FMN2: variants seen among roughly 807,000 people sequenced by gnomAD.
The protein encoded by FMN2 is formin 2.
In FMN2, 51 loss-of-function variants were observed where a neutral mutation model predicts 142.3. The observed-to-expected ratio is 0.36, with a 90% CI of 0.29 to 0.45. FMN2 has a LOEUF of 0.45. Ranked by LOEUF, FMN2 falls within the 20% of genes least tolerant of loss-of-function variation. The pLI, the probability that FMN2 is intolerant of heterozygous loss-of-function variation, is 1.00. For missense variants in FMN2, 1,936 were observed against 2,122.8 expected, an observed-to-expected ratio of 0.91 and a Z score of 1.73; for synonymous variants, 882 against 869.8, an observed-to-expected ratio of 1.01 and a Z score of -0.25.
At position 240,092,675 on chromosome 1, in the gene FMN2, C is replaced by A. The variant is rs1458320118; in HGVS notation, c.566C>A (p.Ala189Asp). Residue 189 changes from alanine to aspartate, a missense_variant, in exon 1 of 18, where the codon GCT (alanine) becomes GAT (aspartate). This residue lies in a region of FMN2 where 751 missense variants were observed against 791.8 expected (regional missense o/e 0.95). Coordinates refer to ENST00000319653, the MANE Select transcript of FMN2 (RefSeq NM_020066.5). ...SDTDIYSFHS[A>D]TEQEDLLSDI... ...ACGGACATCTATAGCTTCCATTCGG[C>A]TACGGAGCAAGAGGATTTGCTTTCA... 6.2e-7 allele frequency: 1 copy of A among 1,614,004 alleles called. No individual in the cohort carries two copies. The highest frequency in any genetic ancestry group is 8.5e-7 in the Non-Finnish European group (1 of 1,180,022).
intron 6 of FMN2, among the ~76,000 whole-genome samples, chr1:240,252,548 G>GT (rs35179529): frequency 0.39 from 55,839 of 142,166 alleles, 11,110 homozygotes; most frequent in East Asian, 0.56. Flanking sequence ...TGGGCTGGCA[G>GT]TTTTTTTTTT....
Position 240,208,579 on chromosome 1 carries a change from C to A in FMN2, c.3767C>A (p.Thr1256Asn). The A allele has an allele frequency of 6.2e-7, 1 of 1,613,826 alleles. No homozygotes were observed. ...CAAGTTGGGAGTAGCACTTTACCAA[C>A]CCCACAGGTGTGTGGATTTCTTCCT... ...LPQVGSSTLPTPQVCGFLPPP... is the reference protein window; with the variant it reads ...LPQVGSSTLPNPQVCGFLPPP... The change falls in exon 5 of 18, where the codon ACC becomes AAC. Residue 1256 changes from threonine (T) to asparagine (N), a missense_variant. Coordinates refer to ENST00000319653, the MANE Select transcript of FMN2 (RefSeq NM_020066.5).
intron 2 of FMN2, among the ~76,000 whole-genome samples, chr1:240,140,926 G>A (rs935159087): frequency 1.3e-5 from 2 of 152,192 alleles, no homozygotes; most frequent in African/African-American, 2.4e-5. Flanking sequence ...AGCTGAAAAG[G>A]TGAAGTGACT....
At chr1:240,352,596 A>T (rs115150790) in intron 13 of FMN2, among the ~76,000 whole-genome samples, 2,096 of 152,206 alleles carry the variant, frequency 0.014, 51 homozygotes, top group African/African-American at 0.048. Flanking sequence ...AAATTTAAAA[A>T]AAACAAACTG....
At chr1:240,148,789 G>T (rs1474961268) in intron 2 of FMN2, among the ~76,000 whole-genome samples, 1 of 151,942 alleles carries the variant, frequency 6.6e-6, no homozygotes, top group African/African-American at 2.4e-5. Flanking sequence ...GACCATCCTG[G>T]CTAACATGGT....
intron 2 of FMN2, among the ~76,000 whole-genome samples, chr1:240,167,427 T>TG (rs1461792865): frequency 1.3e-5 from 2 of 152,110 alleles, no homozygotes. Flanking sequence ...GGATTATAGG[T>TG]GGGAGCCATA....
rs569994519 is a variant in FMN2, at chr1:240,148,169, C to G, written c.1782+24824C>G. Among the ~76,000 whole-genome samples the G allele has an allele frequency of 2.6e-5, 4 of 152,070 alleles. No individual in the cohort carries two copies. The East Asian group carries it at 7.8e-4, about 29-fold the overall frequency. On this transcript the variant is annotated intron_variant, in intron 2 of 17. Transcript: ENST00000319653. Reference sequence around the variant, plus strand: ...TGCTCAGCCAAGAGAGACGGAGAGACACACGGAGAGAGACAGAGACAGGGA... The same window carrying G: ...TGCTCAGCCAAGAGAGACGGAGAGAGACACGGAGAGAGACAGAGACAGGGA...
At chr1:240,144,001 A>G (rs1553331691) in intron 2 of FMN2, 3 of 1,238,694 alleles carry the variant, frequency 2.4e-6, no homozygotes, top group Non-Finnish European at 3.6e-6. Flanking sequence ...GAGCAGGGAC[A>G]CACTCATTCC....
chr1:240,363,985 A>G (rs1015590278), intron 14 of FMN2, among the ~76,000 whole-genome samples: 3 of 152,092 alleles, frequency 2.0e-5, no homozygotes, highest in Non-Finnish European at 2.9e-5. Context: ...CTGGTGCACT[A>G]GTGGGAAAAA....
chr1:240,306,415 C>G (rs546378543), intron 8 of FMN2, among the ~76,000 whole-genome samples: 1 of 152,278 alleles, frequency 6.6e-6, no homozygotes, highest in South Asian at 2.1e-4. Context: ...TGTTTCAGCC[C>G]TTGTTCCTCT....
At position 240,092,231 on chromosome 1, in the gene FMN2, G is replaced by T; in HGVS notation, c.122G>T (p.Gly41Val). The T allele has an allele frequency of 6.3e-7, 1 of 1,577,500 alleles. No individual in the cohort carries two copies. Among genetic ancestry groups the T allele is most frequent in the South Asian group, 1.2e-5 (1 of 86,112 alleles). The change falls in exon 1 of 18, where the codon GGC becomes GTC. Residue 41 changes from glycine to valine, a missense_variant. Transcript: ENST00000319653. ...GAAGCCACAAAGAAGGGGAGCGGGGGCAAGAAGGCGCTAGGCAAGCACGGC... is the reference window on the plus strand; with the variant it reads ...GAAGCCACAAAGAAGGGGAGCGGGGTCAAGAAGGCGCTAGGCAAGCACGGC... The part of the protein sequence containing the change: ...DVEATKKGSG[G>V]KKALGKHGKG...
At chr1:240,472,943 C>CAAAAA (rs372290294) in intron 17 of FMN2, among the ~76,000 whole-genome samples, 2 of 90,660 alleles carry the variant, frequency 2.2e-5, no homozygotes, top group Non-Finnish European at 4.5e-5. Context: ...GACTTTGTCT[C>CAAAAA]AAAAAAAAAA....
At chr1:240,227,608 C>G (rs1441506863) in intron 6 of FMN2, among the ~76,000 whole-genome samples, 1 of 152,064 alleles carries the variant, frequency 6.6e-6, no homozygotes, top group Non-Finnish European at 1.5e-5. Context: ...ACATATTGGT[C>G]AATGGAATAT....
At chr1:240,176,137 T>C (rs561251068) in intron 2 of FMN2, among the ~76,000 whole-genome samples, 2 of 152,306 alleles carry the variant, frequency 1.3e-5, no homozygotes, top group East Asian at 3.9e-4. Context: ...CCAAAAACAG[T>C]GTTACCAAGT....
intron 15 of FMN2, among the ~76,000 whole-genome samples, chr1:240,424,529 C>G (rs577811883): frequency 3.9e-5 from 6 of 152,284 alleles, no homozygotes; most frequent in African/African-American, 1.2e-4. Flanking sequence ...TCCTTAACTT[C>G]TCTGTATGAA....
At chr1:240,297,852 C>G (rs932167414) in intron 8 of FMN2, among the ~76,000 whole-genome samples, 5 of 152,130 alleles carry the variant, frequency 3.3e-5, no homozygotes, top group Non-Finnish European at 5.9e-5. Flanking sequence ...GATGAAGGCA[C>G]TGGCAGATTT....
chr1:240,322,228 T>G (rs1255767917), intron 8 of FMN2, among the ~76,000 whole-genome samples: 3 of 152,230 alleles, frequency 2.0e-5, no homozygotes, highest in African/African-American at 7.2e-5. Flanking sequence ...CAAACCATAG[T>G]AAGTTGAGGA....
chr1:240,131,835 G>T (rs776275601), intron 2 of FMN2, among the ~76,000 whole-genome samples: 9 of 152,222 alleles, frequency 5.9e-5, no homozygotes, highest in Non-Finnish European at 1.3e-4. Context: ...GGAGACCAGG[G>T]ATGTAAACAA....
chr1:240,462,885 C>T (rs1331492271), intron 16 of FMN2, among the ~76,000 whole-genome samples: 1 of 152,020 alleles, frequency 6.6e-6, no homozygotes, highest in Non-Finnish European at 1.5e-5. Context: ...CTATAGGAGG[C>T]TAATTTTGAG....
Sources: gnomAD v4.1 joint callset for allele counts (sites outside exome capture counted in the v4.1 genomes callset) on GRCh38, gnomAD v4.1.1 for gene constraint, gnomAD v4.1.1 regional missense constraint, MANE v1.5 for transcripts, NCBI Gene and HGNC (gene_info 2026-07-23, HGNC 2026-07-21) for gene names.